The following NUBPL variants were observed in gnomAD, a reference collection of about 807,000 sequenced individuals.
NUBPL encodes the protein NUBP iron-sulfur cluster assembly factor, mitochondrial.
In NUBPL, 31 loss-of-function variants were observed where a neutral mutation model predicts 45.7. The observed-to-expected ratio is 0.68, with a 90% confidence interval of 0.51 to 0.92. NUBPL has a LOEUF of 0.92. Among genes scored for constraint, NUBPL ranks in the 40% least tolerant of loss-of-function variants. The probability of loss-of-function intolerance (pLI) is 0.00; values close to 1 mark genes in which losing one functional copy is unlikely to be tolerated. For missense variants in NUBPL, 401 were observed against 398.7 expected (o/e 1.01, Z -0.05); for synonymous variants, 144 against 140.9 (o/e 1.02, Z -0.15).
chr14:31,777,555 G>T (rs1406536649), intron 6 of NUBPL, among the ~76,000 whole-genome samples: 1 of 152,150 alleles, frequency 6.6e-6, no homozygotes, highest in African/African-American at 2.4e-5. Context: ...GCAGCCAAAT[G>T]CTTAGCCCAA....
At chr14:31,824,237 T>C (rs2040062764) in intron 7 of NUBPL, among the ~76,000 whole-genome samples, 1 of 152,108 alleles carries the variant, frequency 6.6e-6, no homozygotes, top group African/African-American at 2.4e-5. Flanking sequence ...AAAACTCTGA[T>C]AGGTTAAGTC....
At chr14:31,691,999 T>A (rs897376115) in intron 6 of NUBPL, among the ~76,000 whole-genome samples, 4 of 152,206 alleles carry the variant, frequency 2.6e-5, no homozygotes, top group Non-Finnish European at 4.4e-5. Context: ...ATGCATTTTG[T>A]GATGCCTTGG....
intron 6 of NUBPL, among the ~76,000 whole-genome samples, chr14:31,725,162 G>T (rs2037893345): frequency 6.6e-6 from 1 of 151,982 alleles, no homozygotes; most frequent in Non-Finnish European, 1.5e-5. Context: ...GAACTGAGTG[G>T]GATTGAAAGG....
At chr14:31,826,887 A>G (rs1595684630) in intron 8 of NUBPL, among the ~76,000 whole-genome samples, 173 bp downstream of exon 8, 1 of 152,230 alleles carries the variant, frequency 6.6e-6, no homozygotes, top group South Asian at 2.1e-4. Context: ...AAACATGTCT[A>G]TACATGATAT....
At chr14:31,648,278 A>G (rs969111461) in intron 4 of NUBPL, among the ~76,000 whole-genome samples, 2 of 152,216 alleles carry the variant, frequency 1.3e-5, no homozygotes, top group East Asian at 1.9e-4. Context: ...TAAAAAATTA[A>G]AAGTATGTAT....
intron 4 of NUBPL, among the ~76,000 whole-genome samples, chr14:31,638,215 A>C (rs1231074084): frequency 3.3e-5 from 5 of 152,094 alleles, no homozygotes; most frequent in Non-Finnish European, 1.5e-5. Flanking sequence ...ATGATTTTGC[A>C]GCAGCTAGTA....
At chr14:31,792,282 A>T (rs2039396665) in intron 7 of NUBPL, among the ~76,000 whole-genome samples, 1 of 152,206 alleles carries the variant, frequency 6.6e-6, no homozygotes, top group Non-Finnish European at 1.5e-5. Flanking sequence ...GTGCACCCCG[A>T]TGGGATGAAT....
intron 4 of NUBPL, among the ~76,000 whole-genome samples, chr14:31,609,138 T>TAA: frequency 6.7e-6 from 1 of 149,928 alleles, no homozygotes; most frequent in African/African-American, 2.4e-5. Flanking sequence ...GCTAAATAGA[T>TAA]AAAAAAAAAC....
chr14:31,839,070 C>T (rs1353726067), intron 8 of NUBPL, among the ~76,000 whole-genome samples: 1 of 152,102 alleles, frequency 6.6e-6, no homozygotes, highest in East Asian at 1.9e-4. Flanking sequence ...TATTGAAAAA[C>T]AGATGGTTGT....
intron 7 of NUBPL, among the ~76,000 whole-genome samples, chr14:31,793,843 T>TTTTTTA (rs2039431664): frequency 1.1e-5 from 1 of 87,994 alleles, no homozygotes; most frequent in African/African-American, 9.5e-5. Flanking sequence ...TTTTTTTTAT[T>TTTTTTA]TTTTTTTTTA....
At chr14:31,760,557 G>A (rs1434908257) in intron 6 of NUBPL, among the ~76,000 whole-genome samples, 1 of 152,054 alleles carries the variant, frequency 6.6e-6, no homozygotes, top group Non-Finnish European at 1.5e-5. Context: ...ATATATAAGT[G>A]AGATCATGCA....
intron 3 of NUBPL, among the ~76,000 whole-genome samples, chr14:31,585,793 T>C (rs905326406): frequency 5.3e-5 from 8 of 152,224 alleles, no homozygotes; most frequent in African/African-American, 1.9e-4. Flanking sequence ...TGTGTTTCTG[T>C]TGGACTAAAA....
intron 4 of NUBPL, among the ~76,000 whole-genome samples, chr14:31,624,267 T>C (rs1822886871): frequency 6.6e-6 from 1 of 152,126 alleles, no homozygotes; most frequent in East Asian, 1.9e-4. Context: ...ACTATGTAGA[T>C]ATATTATCCA....
At chr14:31,850,310 A>G in intron 10 of NUBPL, 109 bp downstream of exon 10, 2 of 822,596 alleles carry the variant, frequency 2.4e-6, no homozygotes, top group Non-Finnish European at 4.1e-6. Flanking sequence ...ATATATATTT[A>G]AACAAGGATT....
At chr14:31,566,368 C>A (rs1345342391) in intron 3 of NUBPL, among the ~76,000 whole-genome samples, 1 of 152,024 alleles carries the variant, frequency 6.6e-6, no homozygotes. Context: ...CATAAAAGGA[C>A]TTTTAGGGAA....
At chr14:31,669,125 G>T (rs191226394) in intron 4 of NUBPL, among the ~76,000 whole-genome samples, 1 of 152,282 alleles carries the variant, frequency 6.6e-6, no homozygotes, top group East Asian at 1.9e-4. Flanking sequence ...AGCCTCCTGA[G>T]TAGCCAAGAC....
intron 3 of NUBPL, among the ~76,000 whole-genome samples, chr14:31,584,688 A>G (rs2139505863): frequency 6.6e-6 from 1 of 152,308 alleles, no homozygotes. Context: ...GATATTTCAT[A>G]TAAATGGAAT....
chr14:31,568,899 A>G (rs573856828), intron 3 of NUBPL, among the ~76,000 whole-genome samples: 1 of 152,340 alleles, frequency 6.6e-6, no homozygotes, highest in African/African-American at 2.4e-5. Flanking sequence ...GATTTGCAAG[A>G]CAGTCCATTG....
intron 7 of NUBPL, among the ~76,000 whole-genome samples, chr14:31,810,425 G>T (rs1404644728): frequency 6.6e-6 from 1 of 152,152 alleles, no homozygotes; most frequent in Admixed American, 6.6e-5. Context: ...TTTTATCAGA[G>T]TCTAGGATTG....
Sources: allele counts gnomAD v4.1 joint callset (sites outside exome capture counted in the v4.1 genomes callset), GRCh38; gene constraint gnomAD v4.1.1; transcripts MANE v1.5; gene names NCBI Gene and HGNC (gene_info 2026-07-23, HGNC 2026-07-21).